The following SPG11 variants were observed in gnomAD, a reference collection of about 807,000 sequenced individuals.
SPG11 encodes SPG11 vesicle trafficking associated, spatacsin.
In SPG11, 222 loss-of-function variants were observed where a neutral mutation model predicts 274.0. That is an observed-to-expected ratio of 0.81 (90% CI 0.73 to 0.91). The LOEUF (loss-of-function observed/expected upper bound fraction) is 0.91. Among genes scored for constraint, SPG11 ranks in the 40% least tolerant of loss-of-function variants. SPG11 has a pLI of 0.00. For synonymous variants in SPG11, 1,144 were observed against 1,039.7 expected (o/e 1.10, Z -1.93); for missense variants, 3,114 against 2,872.7 (o/e 1.08, Z -1.92).
chr15:44,574,960 T>C lies in SPG11; in HGVS notation c.5948A>G (p.Lys1983Arg), dbSNP rs528018764. 2.5e-6 allele frequency: 4 copies of C among 1,614,042 alleles called. No individual in the cohort carries two copies. Among genetic ancestry groups the C allele is most frequent in the Non-Finnish European group, 2.5e-6 (3 of 1,180,038 alleles). The change falls in exon 31 of 40, where the codon AAA (lysine) becomes AGA (arginine). Residue 1983 changes from lysine to arginine, a missense_variant. Coordinates refer to ENST00000261866, the MANE Select transcript of SPG11 (RefSeq NM_025137.4). ...VVTNLEVLTS[K>R]CLHGKNYCRQ... ...ACAGTAGTTCTTCCCATGGAGGCAT[T>C]TGCTTGTCAGCACTTCCAGGTTAGT... is the stretch of plus-strand genomic sequence containing the variant.
At chr15:44,575,154 T>A in intron 30 of SPG11, 113 bp from the exon 31 acceptor site, 1 of 1,328,690 alleles carries the variant, frequency 7.5e-7, no homozygotes, top group East Asian at 2.5e-5. Context: ...CTCCCATTAC[T>A]CTGACTGGGG....
At chr15:44,608,177 T>C (rs997380279) in intron 19 of SPG11, among the ~76,000 whole-genome samples, 4 of 152,182 alleles carry the variant, frequency 2.6e-5, no homozygotes, top group African/African-American at 9.7e-5. Flanking sequence ...GCCTGGTTGT[T>C]AGTTTAACTC....
At chr15:44,631,661 CTTTT>C (rs778676384) in intron 8 of SPG11, among the ~76,000 whole-genome samples, 2 of 124,716 alleles carry the variant, frequency 1.6e-5, no homozygotes, top group South Asian at 2.6e-4. Context: ...CTGCATCAGG[CTTTT>C]TTTTTTTTTT....
At chr15:44,569,540 CCTGGAGT>C in intron 34 of SPG11, 35 bp from the exon 35 acceptor site, 1 of 1,499,016 alleles carries the variant, frequency 6.7e-7, no homozygotes, top group South Asian at 1.2e-5. Flanking sequence ...ATCAGCATCA[CCTGGAGT>C]CTGGAGTTCT....
chr15:44,584,504 C>G lies in SPG11; in HGVS notation c.5176G>C (p.Ala1726Pro). 1.2e-6 allele frequency: 2 copies of G among 1,613,796 alleles called. No homozygotes were observed. The highest frequency in any genetic ancestry group is 1.1e-5 in the South Asian group (1 of 91,086). ...KHIEQWSLKQ[A>P]RIDFWKKCHE... ...CATTTTTTCCAGAAGTCAATTCTTG[C>G]TTGTTTTAGTGACCACTGTTCAATG... Residue 1726 changes from alanine (A) to proline (P), a missense_variant, in exon 30 of 40, where the codon GCA becomes CCA. By Grantham distance (27) the Ala-to-Pro change is conservative. Transcript: ENST00000261866.
chr15:44,563,153 C>G lies in SPG11; in HGVS notation c.7300G>C (p.Gly2434Arg). 1 of 1,614,184 alleles carries G rather than the reference C, an allele frequency of 6.2e-7. No homozygotes were observed. The highest frequency in any genetic ancestry group is 8.5e-7 in the Non-Finnish European group (1 of 1,180,030). Residue 2434 changes from glycine to arginine, a missense_variant, in exon 40 of 40, where the codon GGT (glycine) becomes CGT (arginine). Gly to Arg is a moderately radical substitution (Grantham distance 125). Transcript: ENST00000261866. ...GCTAGCATGTCCTTTAGACAGCAAC[C>G]TGTCTGAGGGTCCTTCAGAAGCACA... ...VNVLLKDPQT[G>R]CCLKDMLAG
intron 28 of SPG11, chr15:44,588,633 C>T (rs1252533169): frequency 2.3e-6 from 1 of 439,736 alleles, no homozygotes; most frequent in Non-Finnish European, 4.6e-6. Flanking sequence ...GCCTAATCCT[C>T]TTTACCTTTA....
At chr15:44,575,907 C>T (rs896730772) in intron 30 of SPG11, among the ~76,000 whole-genome samples, 1 of 152,052 alleles carries the variant, frequency 6.6e-6, no homozygotes, top group African/African-American at 2.4e-5. Flanking sequence ...CTTTGGGAGG[C>T]TGAGGCGGGC....
At position 44,572,732 on chromosome 15, in the gene SPG11, C is replaced by CAT; in HGVS notation, c.6292_6293dup (p.Met2098IlefsTer2). On this transcript the variant is annotated frameshift_variant, in exon 33 of 40. Transcript: ENST00000261866. LOFTEE classifies it high-confidence loss of function. ...CGGAGGAAATCTTATCCAACAACTT[C>CAT]ATGCCTACCAATGTGCGGTCTTGAC... 6.2e-7 allele frequency: 1 copy of CAT among 1,614,144 alleles called. No homozygotes were observed. Among genetic ancestry groups the CAT allele is most frequent in the Non-Finnish European group, 8.5e-7 (1 of 1,180,008 alleles).
intron 4 of SPG11, among the ~76,000 whole-genome samples, chr15:44,653,728 G>A (rs1192694531): frequency 6.6e-6 from 1 of 152,140 alleles, no homozygotes; most frequent in Non-Finnish European, 1.5e-5. Context: ...AAAAGAAGTT[G>A]GAGATACAGT....
At chr15:44,627,138 T>C (rs374104351) in intron 10 of SPG11, among the ~76,000 whole-genome samples, 12 of 152,146 alleles carry the variant, frequency 7.9e-5, no homozygotes, top group African/African-American at 2.9e-4. Context: ...CAAGATGTGA[T>C]GTAATCAGAT....
chr15:44,598,514 C>T, intron 22 of SPG11, 117 bp downstream of exon 22: 2 of 1,283,834 alleles, frequency 1.6e-6, no homozygotes, highest in South Asian at 1.2e-5. Flanking sequence ...ACACACTCTG[C>T]AGGAAAAGGA....
Position 44,598,732 on chromosome 15 carries a change from T to C in SPG11, c.3791A>G (p.Asp1264Gly). The C allele has an allele frequency of 3.1e-6, 5 of 1,614,182 alleles. No homozygotes were observed. Among genetic ancestry groups the C allele is most frequent in the Non-Finnish European group, 4.2e-6 (5 of 1,180,016 alleles). ...CATATCAACTCTGAGCTTGAGGCTG[T>C]CAAGGCCAAGCAATTCTAAGAAACA... The part of the protein sequence containing the change: ...CVCFLELLGL[D>G]SLKLRVDMKV... The change falls in exon 22 of 40, where the codon GAC becomes GGC. Residue 1264 changes from aspartate (D) to glycine (G), a missense_variant. Coordinates refer to ENST00000261866, the MANE Select transcript of SPG11 (RefSeq NM_025137.4).
intron 33 of SPG11, 116 bp downstream of exon 33, chr15:44,572,566 TG>T: frequency 9.5e-7 from 1 of 1,051,586 alleles, no homozygotes; most frequent in Non-Finnish European, 1.5e-6. Context: ...TAACTCCTGC[TG>T]GAGGGCTAGG....
At position 44,615,912 on chromosome 15, in the gene SPG11, A is replaced by G. The variant is rs531470285; in HGVS notation, c.2835-346T>C. 4.2e-4 allele frequency among the ~76,000 whole-genome samples: 64 copies of G among 152,346 alleles called. No individual in the cohort carries two copies. The South Asian group carries it at 0.013, about 31-fold the overall frequency. The stretch of plus-strand genomic sequence containing the variant: ...AGATGCTCTAAGCACTGAGAAATTC[A>G]CCAAGATATCCAAACAAAATCATCA... On this transcript the variant is annotated intron_variant, in intron 15 of 39. Transcript: ENST00000261866.
At chr15:44,565,684 A>C (rs1304190771) in intron 38 of SPG11, among the ~76,000 whole-genome samples, 170 bp downstream of exon 38, 1 of 152,318 alleles carries the variant, frequency 6.6e-6, no homozygotes, top group East Asian at 1.9e-4. Flanking sequence ...ACAATATACT[A>C]GAGAGAAATA....
At chr15:44,573,010 G>A (rs1169266988) in intron 32 of SPG11, among the ~76,000 whole-genome samples, 190 bp from the exon 33 acceptor site, 2 of 116,290 alleles carry the variant, frequency 1.7e-5, no homozygotes, top group Admixed American at 2.0e-4. Flanking sequence ...TTTTTGAGAT[G>A]GAGTCTTGCT....
chr15:44,563,198 T>G lies in SPG11; in HGVS notation c.7255A>C (p.Lys2419Gln), dbSNP rs780737785. ...AGCACATTTACAATTTCATAAAACT[T>G]GTGTTCGTATGCCAACTTGTAATAC... ...YLYYKLAYEHKFYEIVNVLLK... is the reference protein window; with the variant it reads ...YLYYKLAYEHQFYEIVNVLLK... The change falls in exon 40 of 40, where the codon AAG (lysine) becomes CAG (glutamine). Residue 2419 changes from lysine (K) to glutamine (Q), a missense_variant. Transcript: ENST00000261866. 1 of 1,614,174 alleles carries G rather than the reference T, an allele frequency of 6.2e-7. No homozygotes were observed. The highest frequency in any genetic ancestry group is 1.7e-5 in the Admixed American group (1 of 60,020).
At chr15:44,587,916 A>G (rs1365078012) in intron 28 of SPG11, among the ~76,000 whole-genome samples, 1 of 152,178 alleles carries the variant, frequency 6.6e-6, no homozygotes, top group Non-Finnish European at 1.5e-5. Flanking sequence ...CTACAGATCA[A>G]TGAAAACACC....
Sources: gnomAD v4.1 joint callset for allele counts (sites outside exome capture counted in the v4.1 genomes callset) on GRCh38, gnomAD v4.1.1 for gene constraint, MANE v1.5 for transcripts, NCBI Gene and HGNC (gene_info 2026-07-23, HGNC 2026-07-21) for gene names.